The following IKBKB-DT variants were observed in gnomAD, a reference collection of about 807,000 sequenced individuals.
IKBKB-DT encodes IKBKB antisense RNA.
chr8:42,242,255 G>A (rs1238637645), intron 3 of IKBKB-DT, among the ~76,000 whole-genome samples: 3 of 150,076 alleles, frequency 2.0e-5, no homozygotes, highest in African/African-American at 4.9e-5. Context: ...ATAGACATAA[G>A]TAAATAAATA....
intron 1 of IKBKB-DT, among the ~76,000 whole-genome samples, chr8:42,268,301 A>AT (rs1207433391): frequency 6.7e-6 from 1 of 149,460 alleles, no homozygotes; most frequent in Non-Finnish European, 1.5e-5. Context: ...CGCCCAGCTA[A>AT]TTTTTTTGTA....
At chr8:42,269,866 G>T (rs1807512806) in intron 1 of IKBKB-DT, among the ~76,000 whole-genome samples, 1 of 152,072 alleles carries the variant, frequency 6.6e-6, no homozygotes, top group East Asian at 1.9e-4. Flanking sequence ...CTATGAGCCC[G>T]CCTGTCCCCC....
At chr8:42,269,971 A>T (rs1039532463) in intron 1 of IKBKB-DT, among the ~76,000 whole-genome samples, 1 of 152,146 alleles carries the variant, frequency 6.6e-6, no homozygotes, top group African/African-American at 2.4e-5. Context: ...ATGCAATTCA[A>T]CCTAATATTG....
At chr8:42,252,193 G>A (rs542310304) in intron 3 of IKBKB-DT, among the ~76,000 whole-genome samples, 38 of 152,314 alleles carry the variant, frequency 2.5e-4, no homozygotes, top group Non-Finnish European at 4.9e-4. Flanking sequence ...ATTAGGGTGG[G>A]ATGGCCAGCT....
At chr8:42,241,433 T>TAA (rs1284145542) in intron 3 of IKBKB-DT, among the ~76,000 whole-genome samples, 1 of 152,000 alleles carries the variant, frequency 6.6e-6, no homozygotes, top group Non-Finnish European at 1.5e-5. Context: ...TTTGCTGCTA[T>TAA]AAGAGTTTTC....
intron 1 of IKBKB-DT, chr8:42,270,311 CAGTG>C (rs1563282044): frequency 6.6e-6 from 1 of 152,092 alleles, no homozygotes. Context: ...CTGGGCAACA[CAGTG>C]AGTGAGACCC....
chr8:42,256,951 A>G (rs973026569), intron 3 of IKBKB-DT, among the ~76,000 whole-genome samples: 1 of 152,182 alleles, frequency 6.6e-6, no homozygotes, highest in Non-Finnish European at 1.5e-5. Flanking sequence ...TGTGGATGAC[A>G]AAAGACTTCA....
intron 1 of IKBKB-DT, among the ~76,000 whole-genome samples, chr8:42,268,349 A>C (rs1807404708): frequency 6.6e-6 from 1 of 151,182 alleles, no homozygotes; most frequent in Admixed American, 6.6e-5. Context: ...ATTGGCCAGG[A>C]TGGTCTTGAT....
At chr8:42,268,907 A>G (rs1275568931) in intron 1 of IKBKB-DT, among the ~76,000 whole-genome samples, 1 of 152,178 alleles carries the variant, frequency 6.6e-6, no homozygotes, top group Non-Finnish European at 1.5e-5. Context: ...TTAAGCAAAC[A>G]CTTATATTGC....
chr8:42,251,828 C>CTAAAAAAAAAAAA (rs1807131407), intron 3 of IKBKB-DT, among the ~76,000 whole-genome samples: 1 of 91,470 alleles, frequency 1.1e-5, no homozygotes, highest in Admixed American at 1.2e-4. Flanking sequence ...GACTCCATCT[C>CTAAAAAAAAAAAA]AAAAAAAAAA....
chr8:42,267,004 G>T (rs199764218), intron 1 of IKBKB-DT, among the ~76,000 whole-genome samples: 4,689 of 125,288 alleles, frequency 0.037, 51 homozygotes, highest in Non-Finnish European at 0.044. Flanking sequence ...TTTTTTTTTT[G>T]TTTTTTTTTT....
intron 3 of IKBKB-DT, among the ~76,000 whole-genome samples, chr8:42,257,726 G>A (rs1437149366): frequency 2.0e-5 from 3 of 152,004 alleles, no homozygotes; most frequent in Admixed American, 1.3e-4. Context: ...TTGAGCCCAC[G>A]AGTTCGACAT....
chr8:42,234,833 T>G (rs1187101003), intron 3 of IKBKB-DT, among the ~76,000 whole-genome samples: 1 of 152,156 alleles, frequency 6.6e-6, no homozygotes, highest in Non-Finnish European at 1.5e-5. Flanking sequence ...TTTCACCATG[T>G]TGGTGAGGCT....
intron 3 of IKBKB-DT, among the ~76,000 whole-genome samples, chr8:42,253,883 T>C (rs985272450): frequency 6.6e-6 from 1 of 152,140 alleles, no homozygotes; most frequent in Non-Finnish European, 1.5e-5. Flanking sequence ...AACTCAGAAC[T>C]TTTTAAAAGA....
intron 3 of IKBKB-DT, among the ~76,000 whole-genome samples, chr8:42,239,485 T>C (rs1335133691): frequency 3.3e-5 from 5 of 151,154 alleles, no homozygotes; most frequent in African/African-American, 1.2e-4. Context: ...TTATATTGTA[T>C]TTAGAATTAG....
intron 3 of IKBKB-DT, among the ~76,000 whole-genome samples, chr8:42,250,053 G>T (rs916170142): frequency 6.6e-6 from 1 of 152,162 alleles, no homozygotes; most frequent in Non-Finnish European, 1.5e-5. Flanking sequence ...AGAGCTGGCC[G>T]AATGAAAAAC....
At chr8:42,244,195 C>T (rs1321017031) in intron 3 of IKBKB-DT, among the ~76,000 whole-genome samples, 1 of 152,118 alleles carries the variant, frequency 6.6e-6, no homozygotes, top group African/African-American at 2.4e-5. Flanking sequence ...AAACCCAGGC[C>T]CATGTGTTTG....
exon 2 of IKBKB-DT, chr8:42,266,289 T>TA (rs1807368435): frequency 6.6e-6 from 1 of 152,304 alleles, no homozygotes; most frequent in Admixed American, 6.5e-5. Flanking sequence ...TGGTCTGCCT[T>TA]ACGGCCTCTT....
rs559618612 is a variant in IKBKB-DT at position 42,248,202 on chromosome 8, A to T, written n.1530-14343T>A. ...TCAATTAAACCTCCTTCATTTACAA[A>T]TTACTATCTCAGGTATATCTCACAC... On this transcript the variant is annotated intron_variant and non_coding_transcript_variant, in intron 3 of 3. Transcript: ENST00000518213. Among the ~76,000 whole-genome samples the T allele has an allele frequency of 2.0e-5, 3 of 152,214 alleles. No individual in the cohort carries two copies. The East Asian group carries it at 5.8e-4, about 29-fold the overall frequency.
Sources: allele counts gnomAD v4.1 joint callset (sites outside exome capture counted in the v4.1 genomes callset), GRCh38; gene constraint gnomAD v4.1.1; transcripts MANE v1.5; gene names NCBI Gene and HGNC (gene_info 2026-07-23, HGNC 2026-07-21).